Variants in ARHGAP15 observed in about 807,000 individuals in gnomAD.
ARHGAP15 encodes the protein Rho GTPase activating protein 15, also known as rho GTPase-activating protein 15.
A neutral mutation model predicts 63.7 loss-of-function variants in ARHGAP15; 51 were observed. The observed-to-expected ratio is 0.80, with a 90% confidence interval of 0.64 to 1.01. The LOEUF (loss-of-function observed/expected upper bound fraction) is 1.01, where lower values mean the gene tolerates loss of function less well. Ranked by LOEUF, ARHGAP15 falls within the 50% of genes least tolerant of loss-of-function variation. ARHGAP15 has a pLI of 0.00. For missense variants in ARHGAP15, 560 were observed against 564.6 expected (o/e 0.99, Z 0.08); for synonymous variants, 191 against 193.8 (o/e 0.99, Z 0.12).
intron 10 of ARHGAP15, among the ~76,000 whole-genome samples, chr2:143,541,408 T>C (rs1397847315): frequency 2.0e-5 from 3 of 152,206 alleles, no homozygotes; most frequent in African/African-American, 7.2e-5. Flanking sequence ...AGCTTTGTTC[T>C]GTTGCTGGTG....
chr2:143,706,139 G>T (rs940606309), intron 13 of ARHGAP15, among the ~76,000 whole-genome samples: 1 of 152,116 alleles, frequency 6.6e-6, no homozygotes, highest in African/African-American at 2.4e-5. Flanking sequence ...TATAAACTGG[G>T]TTTAATTATG....
At chr2:143,526,855 T>A (rs1256298968) in intron 10 of ARHGAP15, among the ~76,000 whole-genome samples, 3 of 152,172 alleles carry the variant, frequency 2.0e-5, no homozygotes, top group African/African-American at 7.2e-5. Context: ...ATGTTTTGAT[T>A]CTTGTCCCAT....
At chr2:143,509,152 A>G (rs917158990) in intron 9 of ARHGAP15, among the ~76,000 whole-genome samples, 10 of 152,164 alleles carry the variant, frequency 6.6e-5, no homozygotes, top group African/African-American at 2.4e-4. Flanking sequence ...CGTAGCAGAT[A>G]TTGTCATTAT....
intron 8 of ARHGAP15, among the ~76,000 whole-genome samples, chr2:143,464,489 A>C (rs1691108770): frequency 6.6e-6 from 1 of 152,186 alleles, no homozygotes; most frequent in Non-Finnish European, 1.5e-5. Flanking sequence ...TGCCTTAAAA[A>C]GCATAAATAA....
intron 6 of ARHGAP15, among the ~76,000 whole-genome samples, chr2:143,418,722 T>C (rs1234102959): frequency 6.6e-6 from 1 of 152,172 alleles, no homozygotes; most frequent in Non-Finnish European, 1.5e-5. Context: ...GGTTGTCCCA[T>C]GAACAATGTG....
chr2:143,419,450 G>A lies in ARHGAP15; in HGVS notation c.475-16151G>A, dbSNP rs369731272. ...TAACAAAAAGTCATGCTTATGCAGC[G>A]TGGGTTTATTTAACTAAATTGTGGA... is the stretch of plus-strand genomic sequence containing the variant. On this transcript the variant is annotated intron_variant, in intron 6 of 13. Coordinates refer to ENST00000295095, the MANE Select transcript of ARHGAP15 (RefSeq NM_018460.4). Among the ~76,000 whole-genome samples the A allele has an allele frequency of 4.9e-3, 65 of 13,270 alleles. No homozygotes were observed. The East Asian group carries it at 0.12, about 24-fold the overall frequency. The allele number at this position is 13,270 out of a possible 152,430, so 8.7% of individuals were successfully genotyped here.
chr2:143,530,891 C>T (rs1369335511), intron 10 of ARHGAP15, among the ~76,000 whole-genome samples: 1 of 152,122 alleles, frequency 6.6e-6, no homozygotes, highest in Admixed American at 6.6e-5. Flanking sequence ...AAACCAGTCC[C>T]TTGTTTCATT....
At chr2:143,615,031 T>C (rs1315879514) in intron 11 of ARHGAP15, among the ~76,000 whole-genome samples, 3 of 152,226 alleles carry the variant, frequency 2.0e-5, no homozygotes, top group Non-Finnish European at 4.4e-5. Context: ...TTTATACATC[T>C]CCCAACTCTT....
At chr2:143,449,567 C>G (rs72853744) in intron 8 of ARHGAP15, among the ~76,000 whole-genome samples, 14,482 of 152,032 alleles carry the variant, frequency 0.095, 866 homozygotes, top group African/African-American at 0.17. Flanking sequence ...CTGTTTTACT[C>G]GTAGACTAAG....
chr2:143,723,575 T>C (rs1371296557), intron 13 of ARHGAP15, among the ~76,000 whole-genome samples: 1 of 152,080 alleles, frequency 6.6e-6, no homozygotes, highest in Non-Finnish European at 1.5e-5. Flanking sequence ...ATCTATAGAT[T>C]AAAGAGAGTG....
At chr2:143,270,757 C>T (rs1009950390) in intron 6 of ARHGAP15, among the ~76,000 whole-genome samples, 20 of 152,110 alleles carry the variant, frequency 1.3e-4, no homozygotes, top group African/African-American at 2.4e-5. Context: ...TTCAAAATAT[C>T]TCAATATTGC....
chr2:143,385,316 AG>A (rs1159467095), intron 6 of ARHGAP15, among the ~76,000 whole-genome samples: 2 of 152,210 alleles, frequency 1.3e-5, no homozygotes, highest in Non-Finnish European at 2.9e-5. Flanking sequence ...AACTAAAAAA[AG>A]GTCAACCGAA....
chr2:143,309,938 A>T (rs976403086), intron 6 of ARHGAP15, among the ~76,000 whole-genome samples: 4 of 151,704 alleles, frequency 2.6e-5, no homozygotes, highest in African/African-American at 9.7e-5. Flanking sequence ...GTTGCATATT[A>T]TTTGCTTTTA....
intron 12 of ARHGAP15, among the ~76,000 whole-genome samples, chr2:143,679,034 T>TGTTTCCTACTAC (rs1349904957): frequency 3.3e-5 from 5 of 152,168 alleles, no homozygotes; most frequent in African/African-American, 1.2e-4. Flanking sequence ...TGCTTTGCTG[T>TGTTTCCTACTAC]AGTAAGTAGG....
At chr2:143,652,534 A>G (rs527706942) in intron 12 of ARHGAP15, among the ~76,000 whole-genome samples, 1 of 152,078 alleles carries the variant, frequency 6.6e-6, no homozygotes, top group African/African-American at 2.4e-5. Flanking sequence ...AGGAATTGAC[A>G]TTTTCACAAT....
chr2:143,420,909 G>A (rs1030966418), intron 6 of ARHGAP15, among the ~76,000 whole-genome samples: 2 of 152,096 alleles, frequency 1.3e-5, no homozygotes, highest in East Asian at 1.9e-4. Context: ...TTTAGCTTTC[G>A]CTCCCATCAC....
intron 13 of ARHGAP15, among the ~76,000 whole-genome samples, chr2:143,709,648 C>G (rs1057201574): frequency 1.5e-4 from 23 of 151,114 alleles, no homozygotes; most frequent in Non-Finnish European, 1.8e-4. Flanking sequence ...TGAGCTGGGG[C>G]TATTTTGTGA....
At chr2:143,239,037 G>A (rs4427953) in intron 5 of ARHGAP15, among the ~76,000 whole-genome samples, 24,049 of 152,020 alleles carry the variant, frequency 0.16, 2,019 homozygotes, top group Middle Eastern at 0.24. Flanking sequence ...GAGGTGGGTG[G>A]TGGGGAGAGG....
At chr2:143,327,730 T>C (rs1358100260) in intron 6 of ARHGAP15, among the ~76,000 whole-genome samples, 1 of 152,152 alleles carries the variant, frequency 6.6e-6, no homozygotes, top group African/African-American at 2.4e-5. Context: ...CCAAAAGCAA[T>C]GGCAACAAAA....
Sources: gnomAD v4.1 joint callset for allele counts (sites outside exome capture counted in the v4.1 genomes callset) on GRCh38, gnomAD v4.1.1 for gene constraint, MANE v1.5 for transcripts, NCBI Gene and HGNC (gene_info 2026-07-23, HGNC 2026-07-21) for gene names.